Variants in CCSER1 observed in about 807,000 individuals in gnomAD.
CCSER1 encodes the protein serine-rich coiled-coil domain-containing protein 1.
A neutral mutation model predicts 82.0 loss-of-function variants in CCSER1; 41 were observed. That is an observed-to-expected ratio of 0.50 (90% CI 0.39 to 0.65). The LOEUF (loss-of-function observed/expected upper bound fraction) is 0.65. CCSER1 is among the 30% of genes least tolerant of loss of function. The pLI is 0.00. For missense variants in CCSER1, 1,119 were observed against 1,064.2 expected, an observed-to-expected ratio of 1.05 and a Z score of -0.72; for synonymous variants, 414 against 383.9, an observed-to-expected ratio of 1.08 and a Z score of -0.92.
chr4:91,263,851 C>G (rs1741372084), intron 10 of CCSER1, among the ~76,000 whole-genome samples: 1 of 151,852 alleles, frequency 6.6e-6, no homozygotes, highest in African/African-American at 2.4e-5. Context: ...AAGATGTAAG[C>G]TACTTTTTTG....
chr4:90,551,706 C>CTCTCTCTCTCTCTCTCTATATA, intron 5 of CCSER1, among the ~76,000 whole-genome samples: 39 of 104,234 alleles, frequency 3.7e-4, no homozygotes, highest in African/African-American at 1.7e-3. Flanking sequence ...CTCTCTCTCT[C>CTCTCTCTCTCTCTCTCTATATA]TATATATATA....
intron 5 of CCSER1, among the ~76,000 whole-genome samples, chr4:90,563,550 T>C (rs1293257477): frequency 6.6e-6 from 1 of 152,230 alleles, no homozygotes; most frequent in East Asian, 1.9e-4. Context: ...TATCTTTCTG[T>C]GCCTGACTCA....
At chr4:90,706,942 A>G (rs1739466434) in intron 6 of CCSER1, among the ~76,000 whole-genome samples, 2 of 152,252 alleles carry the variant, frequency 1.3e-5, no homozygotes, top group South Asian at 2.1e-4. Flanking sequence ...AGCCATACCC[A>G]TCATGTTATG....
intron 10 of CCSER1, among the ~76,000 whole-genome samples, chr4:91,107,490 C>T (rs111633985): frequency 1.6e-4 from 24 of 152,170 alleles, no homozygotes; most frequent in African/African-American, 5.3e-4. Context: ...CTCCTGACCT[C>T]GTGATCCACC....
In CCSER1 at chr4:91,178,505, A is replaced by C. The variant is rs1050323412; in HGVS notation, c.2217+92511A>C. 4.6e-5 allele frequency among the ~76,000 whole-genome samples: 7 copies of C among 152,264 alleles called. No individual in the cohort carries two copies. The South Asian group carries it at 1.5e-3, about 32-fold the overall frequency. The stretch of plus-strand genomic sequence containing the variant: ...ATCTGGGTGCTCCTGTATTGGGTGC[A>C]TATATATTTAGGATAGTTAGCTCTT... On this transcript the variant is annotated intron_variant, in intron 10 of 10. Transcript: ENST00000509176.
intron 5 of CCSER1, among the ~76,000 whole-genome samples, chr4:90,602,525 A>C (rs983352058): frequency 6.6e-6 from 1 of 152,106 alleles, no homozygotes. Context: ...ATATTTATTA[A>C]TTTTAATGTG....
At chr4:91,347,042 GT>G (rs561267077) in intron 10 of CCSER1, among the ~76,000 whole-genome samples, 226 of 152,032 alleles carry the variant, frequency 1.5e-3, no homozygotes, top group Non-Finnish European at 2.6e-3. Context: ...AGGCTTTAGT[GT>G]TGTATCTAAA....
chr4:90,308,763 A>T lies in CCSER1; in HGVS notation c.479A>T (p.Asp160Val), dbSNP rs757079649. Reference protein sequence around the residue: ...NCLSSGKSEGDDSGFTEDQTR... With the variant: ...NCLSSGKSEGVDSGFTEDQTR... ...CTAAGTTCTGGCAAAAGTGAAGGGG[A>T]TGATTCTGGTTTCACAGAAGACCAA... The change falls in exon 2 of 11, where the codon GAT becomes GTT. Residue 160 changes from aspartate (D) to valine (V), a missense_variant. Coordinates refer to ENST00000509176, the MANE Select transcript of CCSER1 (RefSeq NM_001145065.2). 1.2e-6 allele frequency: 2 copies of T among 1,613,704 alleles called. No individual in the cohort carries two copies. Among genetic ancestry groups the T allele is most frequent in the Admixed American group, 1.7e-5 (1 of 59,894 alleles).
intron 1 of CCSER1, among the ~76,000 whole-genome samples, chr4:90,252,591 C>T (rs114555941): frequency 0.018 from 2,797 of 151,750 alleles, 46 homozygotes; most frequent in African/African-American, 0.049. Context: ...GAAAATGGTA[C>T]ATCTATCCTC....
At position 90,280,655 on chromosome 4, in the gene CCSER1, G is replaced by C. The variant is rs9995287; in HGVS notation, c.-41-27589G>C. Reference sequence around the variant, plus strand: ...GAGTCTATAAATCAGATCTAACGTAGGTCTTTGATTATACATGCATATAAA... The same window carrying C: ...GAGTCTATAAATCAGATCTAACGTACGTCTTTGATTATACATGCATATAAA... On this transcript the variant is annotated intron_variant, in intron 1 of 10. Coordinates refer to ENST00000509176, the MANE Select transcript of CCSER1 (RefSeq NM_001145065.2). Among the ~76,000 whole-genome samples the C allele has an allele frequency of 6.3e-3, 961 of 152,012 alleles. 9 individuals are homozygous for C. Among genetic ancestry groups the C allele is most frequent in the African/African-American group, 0.022 (932 of 41,522 alleles).
chr4:90,955,524 T>G (rs938639361), intron 9 of CCSER1, among the ~76,000 whole-genome samples: 3 of 152,182 alleles, frequency 2.0e-5, no homozygotes, highest in African/African-American at 7.2e-5. Flanking sequence ...AGATAGATAA[T>G]GATAATATTT....
chr4:90,217,684 G>A (rs1032016848), intron 1 of CCSER1, among the ~76,000 whole-genome samples: 2 of 152,046 alleles, frequency 1.3e-5, no homozygotes, highest in Non-Finnish European at 2.9e-5. Flanking sequence ...GTTCTCAAGG[G>A]GAATGTGTCC....
intron 5 of CCSER1, among the ~76,000 whole-genome samples, chr4:90,488,723 G>GA (rs1767517458): frequency 6.6e-6 from 1 of 152,144 alleles, no homozygotes; most frequent in Admixed American, 6.6e-5. Context: ...GTACAAAATA[G>GA]AATGCTCGCT....
intron 4 of CCSER1, among the ~76,000 whole-genome samples, chr4:90,402,887 G>C (rs1311726583): frequency 6.6e-6 from 1 of 152,078 alleles, no homozygotes; most frequent in Non-Finnish European, 1.5e-5. Flanking sequence ...TCTACTTTAA[G>C]GTGTAGGTTG....
chr4:91,174,971 G>T (rs894392838), intron 10 of CCSER1, among the ~76,000 whole-genome samples: 1 of 151,726 alleles, frequency 6.6e-6, no homozygotes, highest in Non-Finnish European at 1.5e-5. Flanking sequence ...ATCTCTCCCT[G>T]CTCCCCCCAC....
chr4:90,547,308 A>G (rs1024536227), intron 5 of CCSER1, among the ~76,000 whole-genome samples: 4 of 151,910 alleles, frequency 2.6e-5, no homozygotes, highest in African/African-American at 9.7e-5. Context: ...TATACTCTTG[A>G]TTTACTCTTT....
intron 5 of CCSER1, among the ~76,000 whole-genome samples, chr4:90,543,984 AGG>A (rs1776435299): frequency 1.3e-5 from 2 of 152,098 alleles, no homozygotes; most frequent in Non-Finnish European, 2.9e-5. Flanking sequence ...GAAAGATATG[AGG>A]CATCTGTGTC....
intron 4 of CCSER1, among the ~76,000 whole-genome samples, chr4:90,403,514 A>G (rs1006886752): frequency 2.3e-4 from 35 of 150,684 alleles, no homozygotes; most frequent in Admixed American, 3.3e-4. Context: ...AAAAAAAAAA[A>G]AAAAAAGAAA....
intron 10 of CCSER1, among the ~76,000 whole-genome samples, chr4:91,093,300 G>A (rs72888506): frequency 0.01 from 1,551 of 152,342 alleles, 24 homozygotes; most frequent in African/African-American, 0.036. Context: ...CGAAGATCGA[G>A]TCTGCTAGAA....
Sources: allele counts gnomAD v4.1 joint callset (sites outside exome capture counted in the v4.1 genomes callset), GRCh38; gene constraint gnomAD v4.1.1; transcripts MANE v1.5; gene names NCBI Gene and HGNC (gene_info 2026-07-23, HGNC 2026-07-21).